NICN1: variants seen among roughly 807,000 people sequenced by gnomAD.
NICN1 encodes the protein nicolin-1.
In NICN1, 18 loss-of-function variants were observed where a neutral mutation model predicts 26.3. The ratio of observed to expected loss-of-function variants is 0.68; its 90% confidence interval spans 0.47 to 1.01. NICN1 has a LOEUF of 1.01. Ranked by LOEUF, NICN1 falls within the 50% of genes least tolerant of loss-of-function variation. The probability of loss-of-function intolerance (pLI) is 0.00; values close to 1 mark genes in which losing one functional copy is unlikely to be tolerated. For missense variants in NICN1, 239 were observed against 278.3 expected (o/e 0.86, Z 1.00); for synonymous variants, 109 against 111.0 (o/e 0.98, Z 0.11).
At position 49,426,389 on chromosome 3, in the gene NICN1, A is replaced by G. The variant is rs1559532552; in HGVS notation, c.172T>C (p.Leu58=). ...ITFKNYYTAF[L]SIRVRQYTSA... is the part of the protein sequence containing the mutation. ...GTGTACTGACGGACACGGATGCTCA[A>G]AAAAGCTGTGTAGTAATTCTTAAAC... The change falls in exon 2 of 6, where the codon TTG becomes CTG. Residue 58 remains leucine, a synonymous_variant. Coordinates refer to ENST00000273598, the MANE Select transcript of NICN1 (RefSeq NM_032316.3). 1.2e-6 allele frequency: 2 copies of G among 1,614,102 alleles called. No homozygotes were observed. Among genetic ancestry groups the G allele is most frequent in the Non-Finnish European group, 1.7e-6 (2 of 1,180,038 alleles).
In NICN1 at chr3:49,429,100, T is replaced by A; in HGVS notation, c.132+8A>T. 8 of 1,601,088 alleles carry A rather than the reference T, an allele frequency of 5.0e-6. No individual in the cohort carries two copies. The highest frequency in any genetic ancestry group is 6.8e-6 in the Non-Finnish European group (8 of 1,173,734). Reference sequence around the variant, plus strand: ...GGAGCCTCGGTCGCGCCCACCAGGCTTGCTCACCTCGAAGGGAGCGACGCT... The same window carrying A: ...GGAGCCTCGGTCGCGCCCACCAGGCATGCTCACCTCGAAGGGAGCGACGCT... On this transcript the variant is annotated splice_region_variant and intron_variant, in intron 1 of 5. Coordinates refer to ENST00000273598, the MANE Select transcript of NICN1 (RefSeq NM_032316.3).
chr3:49,429,214 T>C lies in NICN1; in HGVS notation c.26A>G (p.His9Arg). 6.2e-7 allele frequency: 1 copy of C among 1,608,062 alleles called. No individual in the cohort carries two copies. Among genetic ancestry groups the C allele is most frequent in the Middle Eastern group, 1.7e-4 (1 of 6,036 alleles). ...CTGGAGGGCTACGGAGCCTTTCACA[T>C]GGCAAGGCACCAAAACGCGGGACAT... MSRVLVPC[H>R]VKGSVALQVG... Residue 9 changes from histidine (H) to arginine (R), a missense_variant, in exon 1 of 6, where the codon CAT (histidine) becomes CGT (arginine). Physicochemically the swap from His to Arg is conservative, Grantham distance 29 (BLOSUM62 0). Transcript: ENST00000273598.
At chr3:49,426,096 G>T in intron 2 of NICN1, 100 bp from the exon 3 acceptor site, 1 of 1,118,424 alleles carries the variant, frequency 8.9e-7, no homozygotes, top group Non-Finnish European at 1.3e-6. Flanking sequence ...ACAGGCCTTG[G>T]GAAGGAAGGA....
Position 49,422,955 on chromosome 3 carries a change from CAAGT to C in NICN1, c.*1874_*1877del. 3.6e-6 allele frequency: 1 copy of C among 275,026 alleles called. No homozygotes were observed. 17.0% of individuals were successfully genotyped at this position (275,026 alleles called of 1,614,324 possible). A position where few individuals can be genotyped will look rare whatever the true frequency, so the allele number is the denominator to read the frequency against. ...AGGCAGCCAGCAGTCATGCATTCCACAAGTATTTATTGATCTTACTGCATACCAG... is the reference window on the plus strand; with the variant it reads ...AGGCAGCCAGCAGTCATGCATTCCACATTTATTGATCTTACTGCATACCAG... On this transcript the variant is annotated 3_prime_UTR_variant, in exon 6 of 6. Coordinates refer to ENST00000273598, the MANE Select transcript of NICN1 (RefSeq NM_032316.3).
chr3:49,425,052 C>G lies in NICN1; in HGVS notation c.497G>C (p.Gly166Ala). 1 of 1,613,338 alleles carries G rather than the reference C, an allele frequency of 6.2e-7. No homozygotes were observed. Among genetic ancestry groups the G allele is most frequent in the Non-Finnish European group, 8.5e-7 (1 of 1,179,400 alleles). The change falls in exon 5 of 6, where the codon GGT (glycine) becomes GCT (alanine). Residue 166 changes from glycine to alanine, a missense_variant and splice_region_variant. Coordinates refer to ENST00000273598, the MANE Select transcript of NICN1 (RefSeq NM_032316.3). ...GGATACCCTGCTGGGGTCTGGGAGACCCTGCTCCAGAAGGAGGGGTCAGTG... is the reference window on the plus strand; with the variant it reads ...GGATACCCTGCTGGGGTCTGGGAGAGCCTGCTCCAGAAGGAGGGGTCAGTG... ...PCEQPALLRE[G>A]LPDPSRVSSE...
intron 1 of NICN1, 102 bp downstream of exon 1, chr3:49,429,006 C>A (rs1194888352): frequency 2.7e-6 from 3 of 1,128,768 alleles, no homozygotes; most frequent in Non-Finnish European, 3.8e-6. Context: ...GCAAGGAAGA[C>A]GGCAGAGGCT....
rs374791758 is a variant in NICN1 at position 49,424,939 on chromosome 3, G to T, written c.600+10C>A. 5 of 1,613,366 alleles carry T rather than the reference G, an allele frequency of 3.1e-6. No homozygotes were observed. Among genetic ancestry groups the T allele is most frequent in the Middle Eastern group, 1.6e-4 (1 of 6,062 alleles). On this transcript the variant is annotated intron_variant, in intron 5 of 5. Coordinates refer to ENST00000273598, the MANE Select transcript of NICN1 (RefSeq NM_032316.3). ...CAAAGCAAGCCAAGCAGAAGGAAGC[G>T]ATTACTTACATCAAAGCGGCCGATC...
Position 49,422,602 on chromosome 3 carries a change from T to C in NICN1, c.*2231A>G, listed in dbSNP as rs761696027. The C allele has an allele frequency of 1.4e-5, 12 of 847,054 alleles. No individual in the cohort carries two copies. The highest frequency in any genetic ancestry group is 1.0e-4 in the South Asian group (7 of 69,716). The allele number at this position is 847,054 out of a possible 1,614,324, so 52.5% of individuals were successfully genotyped here. On this transcript the variant is annotated 3_prime_UTR_variant, in exon 6 of 6. Transcript: ENST00000273598. ...GCAGCCCCAAGGGCAGGCTGGGATTTAGAGCAGAGAATGCAGGAACCCGCA... is the reference window on the plus strand; with the variant it reads ...GCAGCCCCAAGGGCAGGCTGGGATTCAGAGCAGAGAATGCAGGAACCCGCA...
Position 49,422,705 on chromosome 3 carries a change from C to A in NICN1, c.*2128G>T. Reference sequence around the variant, plus strand: ...GGCAATCCAGAGCTGATTGGGCTGCCCAGAACAAAGCTAGGGGCTAGACCG... The same window carrying A: ...GGCAATCCAGAGCTGATTGGGCTGCACAGAACAAAGCTAGGGGCTAGACCG... On this transcript the variant is annotated 3_prime_UTR_variant, in exon 6 of 6. Coordinates refer to ENST00000273598, the MANE Select transcript of NICN1 (RefSeq NM_032316.3). 1 of 638,786 alleles carries A rather than the reference C, an allele frequency of 1.6e-6. No individual in the cohort carries two copies. Among genetic ancestry groups the A allele is most frequent in the East Asian group, 2.9e-5 (1 of 34,206 alleles). 39.6% of individuals were successfully genotyped at this position (638,786 alleles called of 1,614,324 possible).
rs753661779 is a variant in NICN1, at chr3:49,424,461, G to A, written c.*372C>T. The A allele has an allele frequency of 2.7e-6, 1 of 376,812 alleles. No homozygotes were observed. Among genetic ancestry groups the A allele is most frequent in the Admixed American group, 4.2e-5 (1 of 23,892 alleles). 23.3% of individuals were successfully genotyped at this position (376,812 alleles called of 1,614,324 possible). ...ATGGCCTTCCAGGTCCATACATGGA[G>A]CAGGTTTTAGTAGGTCAGCCCAGCC... On this transcript the variant is annotated 3_prime_UTR_variant, in exon 6 of 6. Transcript: ENST00000273598.
In NICN1 at chr3:49,422,647, C is replaced by A. The variant is rs1008774394; in HGVS notation, c.*2186G>T. Reference sequence around the variant, plus strand: ...CCCGCAACCACAGGGAAGAAGCCTCCAGCTCTTTCGGCTGACTCTTCAGGG... The same window carrying A: ...CCCGCAACCACAGGGAAGAAGCCTCAAGCTCTTTCGGCTGACTCTTCAGGG... On this transcript the variant is annotated 3_prime_UTR_variant, in exon 6 of 6. Transcript: ENST00000273598. 1.4e-6 allele frequency: 1 copy of A among 712,058 alleles called. No homozygotes were observed. The allele number at this position is 712,058 out of a possible 1,614,324, so 44.1% of individuals were successfully genotyped here.
intron 4 of NICN1, 46 bp downstream of exon 4, chr3:49,425,320 AC>A: frequency 6.6e-7 from 1 of 1,504,940 alleles, no homozygotes. Context: ...CCTGTGTTGG[AC>A]ACTAGAGCCA....
In NICN1 at chr3:49,422,627, A is replaced by C. The variant is rs1387600203; in HGVS notation, c.*2206T>G. On this transcript the variant is annotated 3_prime_UTR_variant, in exon 6 of 6. Transcript: ENST00000273598. ...TAGAGCAGAGAATGCAGGAACCCGCAACCACAGGGAAGAAGCCTCCAGCTC... is the reference window on the plus strand; with the variant it reads ...TAGAGCAGAGAATGCAGGAACCCGCCACCACAGGGAAGAAGCCTCCAGCTC... 1 of 737,474 alleles carries C rather than the reference A, an allele frequency of 1.4e-6. No homozygotes were observed. The highest frequency in any genetic ancestry group is 2.4e-6 in the Non-Finnish European group (1 of 417,902). 45.7% of individuals were successfully genotyped at this position (737,474 alleles called of 1,614,324 possible).
intron 1 of NICN1, among the ~76,000 whole-genome samples, chr3:49,428,444 G>A (rs1307188391): frequency 1.3e-5 from 2 of 152,034 alleles, no homozygotes; most frequent in Non-Finnish European, 1.5e-5. Flanking sequence ...AGGGGTGGCC[G>A]GGTGCGGTGG....
chr3:49,429,003 A>C (rs2107944029), intron 1 of NICN1, 105 bp downstream of exon 1: 1 of 1,099,628 alleles, frequency 9.1e-7, no homozygotes, highest in East Asian at 2.7e-5. Flanking sequence ...AGGGCAAGGA[A>C]GACGGCAGAG....
Position 49,422,406 on chromosome 3 carries a change from C to T in NICN1, c.*2427G>A, listed in dbSNP as rs1472709599. On this transcript the variant is annotated 3_prime_UTR_variant, in exon 6 of 6. Coordinates refer to ENST00000273598, the MANE Select transcript of NICN1 (RefSeq NM_032316.3). Reference sequence around the variant, plus strand: ...GACACAAGGCCGGGGGGAATGCCTGCAGGCGAAAGCCCAGACGGGCCACCA... The same window carrying T: ...GACACAAGGCCGGGGGGAATGCCTGTAGGCGAAAGCCCAGACGGGCCACCA... The T allele has an allele frequency of 6.2e-7, 1 of 1,613,778 alleles. No homozygotes were observed. The highest frequency in any genetic ancestry group is 8.5e-7 in the Non-Finnish European group (1 of 1,180,028).
At chr3:49,426,154 G>C in intron 2 of NICN1, 98 bp downstream of exon 2, 1 of 1,329,946 alleles carries the variant, frequency 7.5e-7, no homozygotes, top group East Asian at 2.5e-5. Context: ...GTTCAGGCCA[G>C]ACTGGCCCCC....
At chr3:49,426,469 C>G (rs1183499022) in intron 1 of NICN1, 41 bp from the exon 2 acceptor site, 1 of 1,560,426 alleles carries the variant, frequency 6.4e-7, no homozygotes, top group Non-Finnish European at 8.8e-7. Context: ...CAGACCCAGG[C>G]CCAGGGGCCT....
chr3:49,428,418 G>A (rs1213013304), intron 1 of NICN1, among the ~76,000 whole-genome samples: 3 of 151,930 alleles, frequency 2.0e-5, no homozygotes, highest in Admixed American at 2.0e-4. Context: ...CTCTGGGAGG[G>A]ACTATAAGAA....
Sources: allele counts gnomAD v4.1 joint callset (sites outside exome capture counted in the v4.1 genomes callset), GRCh38; gene constraint gnomAD v4.1.1; transcripts MANE v1.5; gene names NCBI Gene and HGNC (gene_info 2026-07-23, HGNC 2026-07-21).